NET1: variants seen among roughly 807,000 people sequenced by gnomAD.
NET1 encodes neuroepithelial cell transforming 1.
NET1 carries 42 observed loss-of-function variants against 61.1 expected under a neutral mutation model. The ratio of observed to expected loss-of-function variants is 0.69; its 90% CI spans 0.54 to 0.89. The LOEUF (loss-of-function observed/expected upper bound fraction) is 0.89. Among genes scored for constraint, NET1 ranks in the 40% least tolerant of loss-of-function variants. NET1 has a pLI of 0.00. For synonymous variants in NET1, 254 were observed against 281.8 expected, an observed-to-expected ratio of 0.90 and a Z score of 0.99; for missense variants, 654 against 747.3, an observed-to-expected ratio of 0.88 and a Z score of 1.46.
rs977787205 is a variant in NET1 at position 5,453,021 on chromosome 10, A to G, written c.594+101A>G. On this transcript the variant is annotated intron_variant, in intron 6 of 11. Coordinates refer to ENST00000355029, the MANE Select transcript of NET1 (RefSeq NM_001047160.3). The surrounding 1 kb of genome is among the most constrained non-coding windows in gnomAD (Gnocchi z 4.9). ...TAACCTTTAGAAGTAGAAGAATAGAAAATATCTACTGGTGAATACATTTTT... is the reference window on the plus strand; with the variant it reads ...TAACCTTTAGAAGTAGAAGAATAGAGAATATCTACTGGTGAATACATTTTT... The G allele has an allele frequency of 6.9e-6, 6 of 872,306 alleles. No individual in the cohort carries two copies. The African/African-American group carries it at 1.0e-4, about 15-fold the overall frequency. 54.0% of individuals were successfully genotyped at this position (872,306 alleles called of 1,614,324 possible).
At position 5,456,030 on chromosome 10, in the gene NET1, T is replaced by G; in HGVS notation, c.1198-57T>G. 6.8e-7 allele frequency: 1 copy of G among 1,475,062 alleles called. No homozygotes were observed. Among genetic ancestry groups the G allele is most frequent in the South Asian group, 1.3e-5 (1 of 78,734 alleles). 91.4% of individuals were successfully genotyped at this position (1,475,062 alleles called of 1,614,324 possible). A position where few individuals can be genotyped will look rare whatever the true frequency, so the allele number is the denominator to read the frequency against. On this transcript the variant is annotated intron_variant, in intron 10 of 11. Coordinates refer to ENST00000355029, the MANE Select transcript of NET1 (RefSeq NM_001047160.3). The surrounding 1 kb of genome is among the most constrained non-coding windows in gnomAD (Gnocchi z 7.0). ...AATGTCGAGTTATTTTAGCAATATA[T>G]TTCAGTCACTTAAAAACACAAGTTT...
rs7903278 is a variant in NET1, at chr10:5,441,746, T to C, written c.256-10084T>C. On this transcript the variant is annotated intron_variant, in intron 3 of 11. Coordinates refer to ENST00000355029, the MANE Select transcript of NET1 (RefSeq NM_001047160.3). The surrounding 1 kb of genome is among the most constrained non-coding windows in gnomAD (Gnocchi z 4.6). ...AAATTCTTAGTACTAAACTTGGAGATTCAAATCACATATAACTTCATTACT... is the reference window on the plus strand; with the variant it reads ...AAATTCTTAGTACTAAACTTGGAGACTCAAATCACATATAACTTCATTACT... Among the ~76,000 whole-genome samples, 148,783 of 152,354 alleles carry C rather than the reference T, an allele frequency of 0.98. 72,747 individuals carry two copies. The highest frequency in any genetic ancestry group is 1 in the East Asian group (5,186 of 5,186).
chr10:5,451,531 C>G lies in NET1; in HGVS notation c.256-299C>G, dbSNP rs1337200336. On this transcript the variant is annotated intron_variant, in intron 3 of 11. Coordinates refer to ENST00000355029, the MANE Select transcript of NET1 (RefSeq NM_001047160.3). The surrounding 1 kb of genome is among the most constrained non-coding windows in gnomAD (Gnocchi z 6.1). Reference sequence around the variant, plus strand: ...TTTTTTAAAAAAAAAAAAAGTTATTCCCTGCATTAAACTGAAAAGTTCATT... The same window carrying G: ...TTTTTTAAAAAAAAAAAAAGTTATTGCCTGCATTAAACTGAAAAGTTCATT... 6.7e-6 allele frequency among the ~76,000 whole-genome samples: 1 copy of G among 148,660 alleles called. No individual in the cohort carries two copies. The highest frequency in any genetic ancestry group is 2.5e-5 in the African/African-American group (1 of 40,594).
intron 3 of NET1, among the ~76,000 whole-genome samples, chr10:5,442,999 T>C (rs1021635048): frequency 2.0e-5 from 3 of 152,226 alleles, no homozygotes; most frequent in African/African-American, 7.2e-5. Flanking sequence ...AGCTAATCTC[T>C]CAACCGTTTT....
rs1392759986 is a variant in NET1 at position 5,439,537 on chromosome 10, A to G, written c.255+10308A>G. Among the ~76,000 whole-genome samples, 3 of 152,058 alleles carry G rather than the reference A, an allele frequency of 2.0e-5. No individual in the cohort carries two copies. Among genetic ancestry groups the G allele is most frequent in the Admixed American group, 1.3e-4 (2 of 15,276 alleles). On this transcript the variant is annotated intron_variant, in intron 3 of 11. Coordinates refer to ENST00000355029, the MANE Select transcript of NET1 (RefSeq NM_001047160.3). The surrounding 1 kb of genome is among the most constrained non-coding windows in gnomAD (Gnocchi z 4.8). ...TAACAGATGGCTGCTGTACCTCCCA[A>G]CCTTCTGACTCAGTTGATGTGACCC...
chr10:5,433,952 CCT>C (rs1263907985), intron 3 of NET1, among the ~76,000 whole-genome samples: 1 of 151,924 alleles, frequency 6.6e-6, no homozygotes, highest in Admixed American at 6.6e-5. Flanking sequence ...AGTTCTATCA[CCT>C]CTCATTTCAA....
In NET1 at chr10:5,412,605, T is replaced by C. The variant is rs1372877864; in HGVS notation, c.-88T>C. On this transcript the variant is annotated 5_prime_UTR_variant, in exon 1 of 12. Transcript: ENST00000355029. The surrounding 1 kb of genome is among the most constrained non-coding windows in gnomAD (Gnocchi z 6.5). ...CGGCTGCAGTCCGCTGACAGGCGCT[T>C]TCTGCCTGGCAGAGGCTGGCGGGCA... The C allele has an allele frequency of 2.2e-6, 3 of 1,363,572 alleles. No individual in the cohort carries two copies. The highest frequency in any genetic ancestry group is 1.5e-5 in the South Asian group (1 of 64,738). The allele number at this position is 1,363,572 out of a possible 1,614,324, so 84.5% of individuals were successfully genotyped here.
chr10:5,454,291 T>C lies in NET1; in HGVS notation c.795T>C (p.Gly265=). 1 of 1,613,988 alleles carries C rather than the reference T, an allele frequency of 6.2e-7. No individual in the cohort carries two copies. The highest frequency in any genetic ancestry group is 8.5e-7 in the Non-Finnish European group (1 of 1,179,972). ...TACCGCGCTTGAATGCCTACAGAGG[T>C]TACTGTAGTAACCAGCTGGCAGCCA... ...SWLPRLNAYR[G]YCSNQLAAKA... is the part of the protein sequence containing the mutation. Residue 265 remains glycine, a synonymous_variant, in exon 9 of 12, where the codon GGT becomes GGC. Coordinates refer to ENST00000355029, the MANE Select transcript of NET1 (RefSeq NM_001047160.3). The surrounding 1 kb of genome is among the most constrained non-coding windows in gnomAD (Gnocchi z 8.1).
rs1231786888 is a variant in NET1, at chr10:5,430,876, T to TG, written c.255+1647_255+1648insG. 3.2e-4 allele frequency among the ~76,000 whole-genome samples: 3 copies of TG among 9,496 alleles called. No homozygotes were observed. The African/African-American group carries it at 3.9e-3, about 12-fold the overall frequency. 6.2% of individuals were successfully genotyped at this position (9,496 alleles called of 152,430 possible). On this transcript the variant is annotated intron_variant, in intron 3 of 11. Transcript: ENST00000355029. ...CATACATTATGATTAACTATATCTC[T>TG]TTTTTTTTTTTTTGAGACAGAGTCT...
chr10:5,424,513 C>G lies in NET1; in HGVS notation c.129-2142C>G, dbSNP rs1390824282. ...TAAATACTTTGTTCCAGGGTTTTCTCAAGAAAAAAATACCATTTTCTTTGT... is the reference window on the plus strand; with the variant it reads ...TAAATACTTTGTTCCAGGGTTTTCTGAAGAAAAAAATACCATTTTCTTTGT... On this transcript the variant is annotated intron_variant, in intron 1 of 11. Transcript: ENST00000355029. The surrounding 1 kb of genome is among the most constrained non-coding windows in gnomAD (Gnocchi z 6.1). Among the ~76,000 whole-genome samples, 1 of 151,828 alleles carries G rather than the reference C, an allele frequency of 6.6e-6. No individual in the cohort carries two copies. Among genetic ancestry groups the G allele is most frequent in the Non-Finnish European group, 1.5e-5 (1 of 67,948 alleles).
At position 5,446,600 on chromosome 10, in the gene NET1, G is replaced by T; in HGVS notation, c.256-5230G>T. Reference sequence around the variant, plus strand: ...GCCCTGGGGTCGGTGCTTGCTGCCTGCGGCTCTCAGAAGCCTCTGCTCCAC... The same window carrying T: ...GCCCTGGGGTCGGTGCTTGCTGCCTTCGGCTCTCAGAAGCCTCTGCTCCAC... On this transcript the variant is annotated intron_variant, in intron 3 of 11. Transcript: ENST00000355029. The surrounding 1 kb of genome is among the most constrained non-coding windows in gnomAD (Gnocchi z 5.0). 3 of 1,216,972 alleles carry T rather than the reference G, an allele frequency of 2.5e-6. No individual in the cohort carries two copies. The highest frequency in any genetic ancestry group is 3.1e-6 in the Non-Finnish European group (3 of 975,426). The allele number at this position is 1,216,972 out of a possible 1,614,324, so 75.4% of individuals were successfully genotyped here. A position where few individuals can be genotyped will look rare whatever the true frequency, so the allele number is the denominator to read the frequency against.
chr10:5,446,632 G>C lies in NET1; in HGVS notation c.256-5198G>C. 7.8e-7 allele frequency: 1 copy of C among 1,278,122 alleles called. No homozygotes were observed. Among genetic ancestry groups the C allele is most frequent in the East Asian group, 2.9e-5 (1 of 34,558 alleles). 79.2% of individuals were successfully genotyped at this position (1,278,122 alleles called of 1,614,324 possible). ...TCAGAAGCCTCTGCTCCACCGCGGC[G>C]AGAGGCATGGGCACGTGGCTGCCGA... On this transcript the variant is annotated intron_variant, in intron 3 of 11. Coordinates refer to ENST00000355029, the MANE Select transcript of NET1 (RefSeq NM_001047160.3). This position sits in a 1 kb window ranked among gnomAD's most constrained non-coding sequence, Gnocchi z 5.0.
At position 5,413,556 on chromosome 10, in the gene NET1, C is replaced by T. The variant is rs140465543; in HGVS notation, c.128+736C>T. ...AAGGGAACCAAGTGAGAACAGTATC[C>T]AGGAGGCCAAATGAAGAAAGAATTT... On this transcript the variant is annotated intron_variant, in intron 1 of 11. Coordinates refer to ENST00000355029, the MANE Select transcript of NET1 (RefSeq NM_001047160.3). 2.6e-4 allele frequency among the ~76,000 whole-genome samples: 40 copies of T among 152,170 alleles called. No individual in the cohort carries two copies. The East Asian group carries it at 4.8e-3, about 18-fold the overall frequency.
chr10:5,433,919 A>AT (rs1832385817), intron 3 of NET1, among the ~76,000 whole-genome samples: 2 of 55,342 alleles, frequency 3.6e-5, no homozygotes, highest in African/African-American at 6.4e-5. Flanking sequence ...ATTCTGAAAT[A>AT]ATTTTTTTTA....
Position 5,420,144 on chromosome 10 carries a change from A to G in NET1, c.129-6511A>G, listed in dbSNP as rs541095256. The stretch of plus-strand genomic sequence containing the variant: ...TTCCTCTCTTTCTGATATTCCCATT[A>G]TGTGTATTTGAAGGGAAATATAGCA... On this transcript the variant is annotated intron_variant, in intron 1 of 11. Transcript: ENST00000355029. This position sits in a 1 kb window ranked among gnomAD's most constrained non-coding sequence, Gnocchi z 5.3. 5.9e-5 allele frequency among the ~76,000 whole-genome samples: 9 copies of G among 152,204 alleles called. No individual in the cohort carries two copies. The East Asian group carries it at 7.7e-4, about 13-fold the overall frequency.
In NET1 at chr10:5,421,173, T is replaced by A. The variant is rs1258496241; in HGVS notation, c.129-5482T>A. ...TGGCTCTTAAGGACCTTGGGCAAGT[T>A]ACTTAGTCTCTAAATCTCACTTCAT... On this transcript the variant is annotated intron_variant, in intron 1 of 11. Coordinates refer to ENST00000355029, the MANE Select transcript of NET1 (RefSeq NM_001047160.3). This position sits in a 1 kb window ranked among gnomAD's most constrained non-coding sequence, Gnocchi z 4.2. Among the ~76,000 whole-genome samples, 1 of 152,234 alleles carries A rather than the reference T, an allele frequency of 6.6e-6. No homozygotes were observed. Among genetic ancestry groups the A allele is most frequent in the Non-Finnish European group, 1.5e-5 (1 of 68,036 alleles).
In NET1 at chr10:5,453,675, G is replaced by A; in HGVS notation, c.768+115G>A. On this transcript the variant is annotated intron_variant, in intron 8 of 11. Transcript: ENST00000355029. This position sits in a 1 kb window ranked among gnomAD's most constrained non-coding sequence, Gnocchi z 4.9. ...CAACTCTGTTCTACAAACACATAAG[G>A]CGTTAAAACTGAACAAATTTACAGT... The A allele has an allele frequency of 2.3e-6, 2 of 881,598 alleles. No homozygotes were observed. The allele number at this position is 881,598 out of a possible 1,614,324, so 54.6% of individuals were successfully genotyped here.
At position 5,458,374 on chromosome 10, in the gene NET1, T is replaced by TAATC. The variant is rs1832843775; in HGVS notation, c.*1382_*1385dup. 6.6e-6 allele frequency: 1 copy of TAATC among 152,060 alleles called. No individual in the cohort carries two copies. Among genetic ancestry groups the TAATC allele is most frequent in the Non-Finnish European group, 1.5e-5 (1 of 67,940 alleles). The allele number at this position is 152,060 out of a possible 1,614,324, so 9.4% of individuals were successfully genotyped here. A position where few individuals can be genotyped will look rare whatever the true frequency, so the allele number is the denominator to read the frequency against. ...AAATATATTTGGCCAGTGGAAATGA[T>TAATC]AATCAGAAAAGACTGTAAATAGATC... On this transcript the variant is annotated 3_prime_UTR_variant, in exon 12 of 12. Coordinates refer to ENST00000355029, the MANE Select transcript of NET1 (RefSeq NM_001047160.3). This position sits in a 1 kb window ranked among gnomAD's most constrained non-coding sequence, Gnocchi z 4.5.
rs55722042 is a variant in NET1 at position 5,448,672 on chromosome 10, A to AT, written c.256-3141dup. On this transcript the variant is annotated intron_variant, in intron 3 of 11. Transcript: ENST00000355029. ...TTTGTTTATTCCCATGGATTTTTGG[A>AT]TTTTTTTTTTTTTTTTTGAGGAGAG... Among the ~76,000 whole-genome samples, 963 of 126,692 alleles carry AT rather than the reference A, an allele frequency of 7.6e-3. 26 individuals are homozygous for AT. Among genetic ancestry groups the AT allele is most frequent in the African/African-American group, 0.01 (328 of 32,042 alleles). The allele number at this position is 126,692 out of a possible 152,430, so 83.1% of individuals were successfully genotyped here. A position where few individuals can be genotyped will look rare whatever the true frequency, so the allele number is the denominator to read the frequency against.
Sources: allele counts gnomAD v4.1 joint callset (sites outside exome capture counted in the v4.1 genomes callset), GRCh38; gene constraint gnomAD v4.1.1; non-coding constraint Gnocchi (gnomAD v3.1); transcripts MANE v1.5; gene names NCBI Gene and HGNC (gene_info 2026-07-23, HGNC 2026-07-21).